The following KCNIP4 variants were observed in gnomAD, a reference collection of about 807,000 sequenced individuals.
KCNIP4 encodes the protein Kv channel-interacting protein 4.
Under a neutral mutation model 34.0 loss-of-function variants are expected in KCNIP4, and 12 were observed. That is an observed-to-expected ratio of 0.35 (90% CI 0.23 to 0.57). KCNIP4 has a LOEUF of 0.57. Among genes scored for constraint, KCNIP4 ranks in the 20% least tolerant of loss-of-function variants. KCNIP4 has a pLI of 0.83. For missense variants in KCNIP4, 238 were observed against 311.7 expected (o/e 0.76, Z 1.78); for synonymous variants, 124 against 102.2 (o/e 1.21, Z -1.29).
chr4:21,752,247 A>G (rs916735585), intron 1 of KCNIP4, among the ~76,000 whole-genome samples: 1 of 152,150 alleles, frequency 6.6e-6, no homozygotes, highest in Non-Finnish European at 1.5e-5. Context: ...GGTAATTTAT[A>G]AAAGAAAAAG....
chr4:20,982,975 A>G (rs1736223153), intron 1 of KCNIP4, among the ~76,000 whole-genome samples: 1 of 152,240 alleles, frequency 6.6e-6, no homozygotes, highest in Admixed American at 6.5e-5. Flanking sequence ...TGTAGAATTG[A>G]TATCAAATGA....
At chr4:21,454,409 G>A (rs1044507900) in intron 1 of KCNIP4, among the ~76,000 whole-genome samples, 3 of 152,082 alleles carry the variant, frequency 2.0e-5, no homozygotes, top group African/African-American at 7.2e-5. Context: ...AGAAGGCCGT[G>A]AGAGAGGCTT....
chr4:21,291,869 AAGAAAGAAAGAAAGAAAGAAAG>A (rs1763511157), intron 1 of KCNIP4, among the ~76,000 whole-genome samples: 1 of 11,772 alleles, frequency 8.5e-5, no homozygotes, highest in Non-Finnish European at 1.5e-4. Flanking sequence ...AAAAAAAAAA[AAGAAAGAAAGAAAGAAAGAAAG>A]AAAGAAAGAA....
chr4:21,948,722 C>T lies in KCNIP4; in HGVS notation c.-91G>A, dbSNP rs2109027937. 7 of 1,402,470 alleles carry T rather than the reference C, an allele frequency of 5.0e-6. No homozygotes were observed. The highest frequency in any genetic ancestry group is 1.9e-4 in the Middle Eastern group (1 of 5,274). 86.9% of individuals were successfully genotyped at this position (1,402,470 alleles called of 1,614,324 possible). ...GTCTGCACGGGAGCGCACCGCCGCTCGGCCCGGGGGCGTCCGTGGCGCTGG... is the reference window on the plus strand; with the variant it reads ...GTCTGCACGGGAGCGCACCGCCGCTTGGCCCGGGGGCGTCCGTGGCGCTGG... On this transcript the variant is annotated 5_prime_UTR_variant, in exon 1 of 9. Coordinates refer to ENST00000382152, the MANE Select transcript of KCNIP4 (RefSeq NM_025221.6).
chr4:20,864,146 CCATGTATGCATACA>C (rs1722563369), intron 2 of KCNIP4, among the ~76,000 whole-genome samples: 2 of 121,242 alleles, frequency 1.6e-5, no homozygotes, highest in Admixed American at 8.4e-5. Flanking sequence ...GTATACATAT[CCATGTATGCATACA>C]CATGTATGTA....
chr4:21,466,618 G>A (rs961577953), intron 1 of KCNIP4, among the ~76,000 whole-genome samples: 3 of 152,192 alleles, frequency 2.0e-5, no homozygotes, highest in Non-Finnish European at 4.4e-5. Flanking sequence ...GACAGCAAGA[G>A]AGAGAGGTCA....
chr4:21,643,867 T>TCATA (rs5856653), intron 1 of KCNIP4, among the ~76,000 whole-genome samples: 21 of 128,582 alleles, frequency 1.6e-4, no homozygotes, highest in African/African-American at 5.7e-4. Flanking sequence ...GTGATGATGA[T>TCATA]GATGATAGAT....
At chr4:20,781,129 T>C (rs1287743758) in intron 3 of KCNIP4, among the ~76,000 whole-genome samples, 1 of 152,052 alleles carries the variant, frequency 6.6e-6, no homozygotes, top group Non-Finnish European at 1.5e-5. Flanking sequence ...ATCTTCACAA[T>C]CAGAAGGATG....
At chr4:21,280,009 T>C (rs1034051395) in intron 1 of KCNIP4, among the ~76,000 whole-genome samples, 10 of 152,326 alleles carry the variant, frequency 6.6e-5, no homozygotes, top group African/African-American at 2.4e-4. Context: ...TTCCTCTTTA[T>C]TATGAAAAGG....
rs370876508 is a variant in KCNIP4, at chr4:21,518,456, T to TG, written c.61+430114dup. Among the ~76,000 whole-genome samples, 687 of 152,202 alleles carry TG rather than the reference T, an allele frequency of 4.5e-3. 5 individuals carry two copies. Among genetic ancestry groups the TG allele is most frequent in the Middle Eastern group, 0.017 (5 of 294 alleles). On this transcript the variant is annotated intron_variant, in intron 1 of 8. Coordinates refer to ENST00000382152, the MANE Select transcript of KCNIP4 (RefSeq NM_025221.6). ...TATAGGCTGAACAGCAACCTGCTGG[T>TG]GGGAGATGCAGCGGGTGAAGGTGAG...
chr4:21,155,378 C>A (rs1753068144), intron 1 of KCNIP4, among the ~76,000 whole-genome samples: 1 of 152,068 alleles, frequency 6.6e-6, no homozygotes, highest in Admixed American at 6.6e-5. Context: ...ACTATAAATA[C>A]AAAAGCATGT....
At chr4:20,851,971 C>T (rs1721078226) in intron 2 of KCNIP4, among the ~76,000 whole-genome samples, 1 of 152,084 alleles carries the variant, frequency 6.6e-6, no homozygotes, top group East Asian at 1.9e-4. Context: ...GCAGTGATGG[C>T]ACCACTGCAG....
At chr4:20,988,799 T>C (rs1360315698) in intron 1 of KCNIP4, among the ~76,000 whole-genome samples, 1 of 152,210 alleles carries the variant, frequency 6.6e-6, no homozygotes, top group African/African-American at 2.4e-5. Context: ...CAGGAAAAAC[T>C]CTCTACCTTC....
At chr4:20,803,661 G>A (rs1714653687) in intron 3 of KCNIP4, among the ~76,000 whole-genome samples, 1 of 135,734 alleles carries the variant, frequency 7.4e-6, no homozygotes, top group African/African-American at 2.9e-5. Flanking sequence ...CTATCTCAAT[G>A]AAAGAGAAAG....
chr4:21,641,070 G>T (rs115073223), intron 1 of KCNIP4, among the ~76,000 whole-genome samples: 1 of 152,118 alleles, frequency 6.6e-6, no homozygotes, highest in Non-Finnish European at 1.5e-5. Context: ...TGAACTGGCC[G>T]TTACCTGTCC....
At chr4:20,980,864 G>A (rs1026287993) in intron 1 of KCNIP4, among the ~76,000 whole-genome samples, 3 of 151,798 alleles carry the variant, frequency 2.0e-5, no homozygotes, top group Admixed American at 6.6e-5. Flanking sequence ...TATTTTCTAG[G>A]TGGTGCAATC....
At chr4:21,242,425 T>C (rs889799810) in intron 1 of KCNIP4, among the ~76,000 whole-genome samples, 7 of 152,156 alleles carry the variant, frequency 4.6e-5, no homozygotes, top group Non-Finnish European at 1.0e-4. Context: ...ATAATAGTCA[T>C]GGTGGTTAGT....
intron 1 of KCNIP4, among the ~76,000 whole-genome samples, chr4:21,706,790 C>T (rs1409413389): frequency 6.6e-6 from 1 of 152,110 alleles, no homozygotes; most frequent in African/African-American, 2.4e-5. Context: ...TTATGCCTTT[C>T]AAATTGTCAC....
chr4:21,037,111 G>T (rs1055195082), intron 1 of KCNIP4, among the ~76,000 whole-genome samples: 1 of 152,146 alleles, frequency 6.6e-6, no homozygotes, highest in Admixed American at 6.5e-5. Context: ...TTTAAGCTAA[G>T]TGTGGTTATT....
Sources: allele counts gnomAD v4.1 joint callset (sites outside exome capture counted in the v4.1 genomes callset), GRCh38; gene constraint gnomAD v4.1.1; transcripts MANE v1.5; gene names NCBI Gene and HGNC (gene_info 2026-07-23, HGNC 2026-07-21).